The following ACER1 variants were observed in gnomAD, a reference collection of about 807,000 sequenced individuals.
The protein encoded by ACER1 is alkaline ceramidase 1, also known as CTB-180A7.3.
In ACER1, 28 loss-of-function variants were observed where a neutral mutation model predicts 24.9. The ratio of observed to expected loss-of-function variants is 1.13; its 90% confidence interval spans 0.83 to 1.54. The LOEUF (loss-of-function observed/expected upper bound fraction) is 1.54. Among genes scored for constraint, ACER1 ranks in the 40% most tolerant of loss-of-function variants. ACER1 has a pLI of 0.00. For missense variants in ACER1, 352 were observed against 349.3 expected (o/e 1.01, Z -0.06); for synonymous variants, 132 against 131.4 (o/e 1.00, Z -0.03).
chr19:6,355,854 TC>T, the ACER1 span, among the ~76,000 whole-genome samples: 1 of 134,212 alleles, frequency 7.5e-6, no homozygotes, highest in African/African-American at 3.0e-5. Context: ...GGTGGGGGGG[TC>T]AGCCCCCCGC....
At chr19:6,329,551 T>C (rs1440518684) in intron 1 of ACER1, among the ~76,000 whole-genome samples, 4 of 151,830 alleles carry the variant, frequency 2.6e-5, no homozygotes, top group Non-Finnish European at 5.9e-5. Flanking sequence ...ATCAGAGGAG[T>C]TTGACAACTG....
At chr19:6,310,344 C>T (rs2091572870) in intron 3 of ACER1, among the ~76,000 whole-genome samples, 1 of 152,008 alleles carries the variant, frequency 6.6e-6, no homozygotes, top group African/African-American at 2.4e-5. Flanking sequence ...GCCTCGGCCT[C>T]CCAAAGTGCT....
Position 6,331,265 on chromosome 19 carries a change from T to A in ACER1, c.93+2194A>T, listed in dbSNP as rs527302712. ...CCCGGGTTCAAGTGATTCTCCTGCC[T>A]TAGCCTCCTGAGTAGCTGGGACTAC... On this transcript the variant is annotated intron_variant, in intron 1 of 5. Transcript: ENST00000301452. 3.4e-5 allele frequency among the ~76,000 whole-genome samples: 5 copies of A among 148,068 alleles called. No individual in the cohort carries two copies. In the East Asian group the frequency reaches 7.9e-4, roughly 23 times the overall value.
chr19:6,346,099 C>A, the ACER1 span, among the ~76,000 whole-genome samples: 1 of 152,230 alleles, frequency 6.6e-6, no homozygotes, highest in African/African-American at 2.4e-5. Flanking sequence ...AAATACAGGA[C>A]ACCCAGTTAA....
At chr19:6,322,049 T>C (rs2091633667) in intron 1 of ACER1, among the ~76,000 whole-genome samples, 1 of 151,894 alleles carries the variant, frequency 6.6e-6, no homozygotes, top group Admixed American at 6.6e-5. Context: ...CCCAGGATGC[T>C]TGCAGGGAAG....
chr19:6,343,603 C>T, the ACER1 span, among the ~76,000 whole-genome samples: 1 of 150,854 alleles, frequency 6.6e-6, no homozygotes, highest in African/African-American at 2.4e-5. Context: ...GTGGCCCCCA[C>T]CTCAACATGT....
chr19:6,309,749 G>C lies in ACER1; in HGVS notation c.436C>G (p.Leu146Val). 1 of 1,614,066 alleles carries C rather than the reference G, an allele frequency of 6.2e-7. No individual in the cohort carries two copies. The highest frequency in any genetic ancestry group is 1.1e-5 in the South Asian group (1 of 91,080). ...AGAATGTGCAGGGCAATGCTGTTGA[G>C]GGCGTAGGCGTTGACCGTGGGCCGC... ...FLRPTVNAYALNSIALHILYI... is the reference protein window; with the variant it reads ...FLRPTVNAYAVNSIALHILYI... The change falls in exon 4 of 6, where the codon CTC becomes GTC. Residue 146 changes from leucine (L) to valine (V), a missense_variant. Leu to Val is a conservative substitution (Grantham distance 32). Transcript: ENST00000301452.
At chr19:6,324,189 T>G (rs2091647099) in intron 1 of ACER1, among the ~76,000 whole-genome samples, 1 of 151,378 alleles carries the variant, frequency 6.6e-6, no homozygotes, top group South Asian at 2.1e-4. Context: ...GGATTATAGG[T>G]GTGAGCCACC....
chr19:6,322,834 G>T (rs903415984), intron 1 of ACER1, among the ~76,000 whole-genome samples: 1 of 152,092 alleles, frequency 6.6e-6, no homozygotes, highest in African/African-American at 2.4e-5. Flanking sequence ...GTTTCAGCCG[G>T]GCGTGGTGGC....
chr19:6,332,774 G>C (rs1421287244), intron 1 of ACER1, among the ~76,000 whole-genome samples: 1 of 152,058 alleles, frequency 6.6e-6, no homozygotes, highest in East Asian at 1.9e-4. Flanking sequence ...GGGTTCAAGC[G>C]ATTCTCATGC....
chr19:6,311,025 G>A (rs2091577256), intron 3 of ACER1, among the ~76,000 whole-genome samples: 1 of 151,938 alleles, frequency 6.6e-6, no homozygotes, highest in Non-Finnish European at 1.5e-5. Context: ...GATGAGAAGA[G>A]GGTCCCAGGG....
intron 1 of ACER1, among the ~76,000 whole-genome samples, chr19:6,316,771 G>A (rs1178736977): frequency 6.9e-6 from 1 of 144,646 alleles, no homozygotes; most frequent in African/African-American, 2.6e-5. Flanking sequence ...AATGAGCCGA[G>A]ATCGCACCAC....
chr19:6,334,327 C>T (rs998932799), upstream of ACER1, among the ~76,000 whole-genome samples: 20 of 151,376 alleles, frequency 1.3e-4, no homozygotes, highest in Admixed American at 1.1e-3. Flanking sequence ...TATAGGTGTG[C>T]GTGAGCCACC....
chr19:6,347,109 A>AAAAAAAAAAAAAATATAT, the ACER1 span, among the ~76,000 whole-genome samples: 2 of 113,820 alleles, frequency 1.8e-5, no homozygotes, highest in African/African-American at 5.1e-5. Context: ...AAAAAAAAAA[A>AAAAAAAAAAAAAATATAT]ATATATATAT....
chr19:6,329,108 A>G (rs2091675351), intron 1 of ACER1, among the ~76,000 whole-genome samples: 1 of 151,876 alleles, frequency 6.6e-6, no homozygotes, highest in Non-Finnish European at 1.5e-5. Flanking sequence ...TGATGGCACC[A>G]CTCCATCCCA....
chr19:6,336,278 C>G (rs2091713969), upstream of ACER1, among the ~76,000 whole-genome samples: 1 of 152,028 alleles, frequency 6.6e-6, no homozygotes, highest in Admixed American at 6.6e-5. Context: ...TTCAATGCAG[C>G]CTTGCTTGAT....
the ACER1 span, among the ~76,000 whole-genome samples, chr19:6,357,655 C>G: frequency 6.6e-6 from 1 of 151,504 alleles, no homozygotes; most frequent in African/African-American, 2.4e-5. Context: ...GCCAGCTACT[C>G]AGGAGGTCGA....
chr19:6,352,524 T>C, the ACER1 span, among the ~76,000 whole-genome samples: 1 of 152,202 alleles, frequency 6.6e-6, no homozygotes, highest in African/African-American at 2.4e-5. Context: ...TCTCAAATTA[T>C]GAGAAATGAT....
the ACER1 span, among the ~76,000 whole-genome samples, chr19:6,358,086 C>A: frequency 6.6e-6 from 1 of 152,138 alleles, no homozygotes; most frequent in African/African-American, 2.4e-5. Flanking sequence ...TGGCCCTTCT[C>A]CCCAGGGCGG....
Sources: gnomAD v4.1 joint callset for allele counts (sites outside exome capture counted in the v4.1 genomes callset) on GRCh38, gnomAD v4.1.1 for gene constraint, MANE v1.5 for transcripts, NCBI Gene and HGNC (gene_info 2026-07-23, HGNC 2026-07-21) for gene names.